The following LRRC37A2 variants were observed in gnomAD, a reference collection of about 807,000 sequenced individuals.
The protein encoded by LRRC37A2 is leucine-rich repeat-containing protein 37A2.
A neutral mutation model predicts 68.8 loss-of-function variants in LRRC37A2; 9 were observed. The ratio of observed to expected loss-of-function variants is 0.13; its 90% CI spans 0.08 to 0.23. The LOEUF (loss-of-function observed/expected upper bound fraction) is 0.23, where lower values mean the gene tolerates loss of function less well. Ranked by LOEUF, LRRC37A2 falls within the 10% of genes least tolerant of loss-of-function variation. LRRC37A2 has a pLI of 1.00. For missense variants in LRRC37A2, 168 were observed against 950.4 expected, an observed-to-expected ratio of 0.18 and a Z score of 10.82; for synonymous variants, 63 against 367.6, an observed-to-expected ratio of 0.17 and a Z score of 9.48.
chr17:46,990,002 G>A, the LRRC37A2 span, among the ~76,000 whole-genome samples: 7 of 152,198 alleles, frequency 4.6e-5, no homozygotes, highest in African/African-American at 1.4e-4. Context: ...CCGTTTTGGG[G>A]TTGTTACACC....
At chr17:46,717,567 C>G in the LRRC37A2 span, among the ~76,000 whole-genome samples, 1 of 152,040 alleles carries the variant, frequency 6.6e-6, no homozygotes, top group Non-Finnish European at 1.5e-5. Flanking sequence ...AAAAATTAGC[C>G]AGGCATGATG....
chr17:46,759,802 C>T, the LRRC37A2 span, among the ~76,000 whole-genome samples: 1 of 152,086 alleles, frequency 6.6e-6, no homozygotes, highest in East Asian at 1.9e-4. Context: ...CACATGCTTT[C>T]CTTCCCTTCT....
the LRRC37A2 span, among the ~76,000 whole-genome samples, chr17:46,499,416 A>G: frequency 2.7e-5 from 4 of 150,556 alleles, no homozygotes; most frequent in Non-Finnish European, 5.9e-5. Context: ...AGAAGTCTGA[A>G]AACGCAGGAG....
At chr17:46,761,961 G>A in the LRRC37A2 span, among the ~76,000 whole-genome samples, 1 of 152,228 alleles carries the variant, frequency 6.6e-6, no homozygotes, top group Non-Finnish European at 1.5e-5. Flanking sequence ...AATGACAATT[G>A]TTCCAGACAG....
chr17:46,923,661 A>T, the LRRC37A2 span: 273 of 1,034,308 alleles, frequency 2.6e-4, no homozygotes, highest in African/African-American at 4.1e-3. Flanking sequence ...TTGTATTCTT[A>T]TTCGATTTAT....
At chr17:47,019,798 C>T in the LRRC37A2 span, 1 of 1,209,976 alleles carries the variant, frequency 8.3e-7, no homozygotes, top group South Asian at 1.2e-5. Context: ...CCTTCACCAT[C>T]TTGTAAGAAT....
At chr17:46,835,891 G>A in the LRRC37A2 span, among the ~76,000 whole-genome samples, 8 of 152,230 alleles carry the variant, frequency 5.3e-5, no homozygotes, top group Non-Finnish European at 1.0e-4. Context: ...AAGAAGAGTG[G>A]AGACAGGAGA....
chr17:46,958,117 G>C, the LRRC37A2 span, among the ~76,000 whole-genome samples: 1 of 152,166 alleles, frequency 6.6e-6, no homozygotes, highest in African/African-American at 2.4e-5. Flanking sequence ...ATTTGTGCAG[G>C]ACTTTCTTTC....
chr17:46,718,662 C>T, the LRRC37A2 span, among the ~76,000 whole-genome samples: 1 of 152,072 alleles, frequency 6.6e-6, no homozygotes, highest in Non-Finnish European at 1.5e-5. Context: ...CTCAGCTCTC[C>T]ACACTGACCG....
chr17:46,818,694 A>C, the LRRC37A2 span: 1 of 1,229,620 alleles, frequency 8.1e-7, no homozygotes, highest in Non-Finnish European at 1.2e-6. Context: ...ATTGGAAATG[A>C]CTTTCGGGCT....
the LRRC37A2 span, among the ~76,000 whole-genome samples, chr17:46,815,169 C>T: frequency 5.3e-5 from 8 of 152,140 alleles, no homozygotes; most frequent in African/African-American, 1.7e-4. Context: ...TTCATCCCCC[C>T]ACCCCAGCGC....
At chr17:46,931,272 G>A in the LRRC37A2 span, 2 of 837,586 alleles carry the variant, frequency 2.4e-6, no homozygotes, top group Non-Finnish European at 4.2e-6. Context: ...TTTCTCCCTG[G>A]GGGAGGTGAT....
chr17:46,635,838 T>C, the LRRC37A2 span, among the ~76,000 whole-genome samples: 2 of 133,828 alleles, frequency 1.5e-5, no homozygotes, highest in Non-Finnish European at 1.7e-5. Flanking sequence ...TGAAGCCTTA[T>C]TGAAGAGTAG....
the LRRC37A2 span, chr17:46,949,265 CTG>C: frequency 6.6e-6 from 1 of 152,262 alleles, no homozygotes; most frequent in Non-Finnish European, 1.5e-5. Context: ...GAGCCCTGGA[CTG>C]GGGCTATCCT....
chr17:46,813,656 C>A, the LRRC37A2 span, among the ~76,000 whole-genome samples: 1 of 152,040 alleles, frequency 6.6e-6, no homozygotes, highest in African/African-American at 2.4e-5. Context: ...TTTCCCACTT[C>A]CTTTTCCCTG....
At chr17:46,820,823 C>T in the LRRC37A2 span, among the ~76,000 whole-genome samples, 1 of 152,112 alleles carries the variant, frequency 6.6e-6, no homozygotes, top group Non-Finnish European at 1.5e-5. Context: ...CCCAAGGGCT[C>T]GGGAGTTCCA....
At chr17:46,730,119 A>C in the LRRC37A2 span, among the ~76,000 whole-genome samples, 4 of 152,128 alleles carry the variant, frequency 2.6e-5, no homozygotes, top group Non-Finnish European at 5.9e-5. Context: ...ATCTACATAT[A>C]TCATGATTCC....
the LRRC37A2 span, among the ~76,000 whole-genome samples, chr17:46,869,125 C>T: frequency 1.3e-5 from 2 of 152,210 alleles, no homozygotes; most frequent in Non-Finnish European, 2.9e-5. Flanking sequence ...CAGCCCTGGG[C>T]AGACCAGGGC....
At chr17:46,935,098 G>C in the LRRC37A2 span, 1 of 1,613,150 alleles carries the variant, frequency 6.2e-7, no homozygotes, top group African/African-American at 1.3e-5. Flanking sequence ...AGTTCACAAC[G>C]GCATGGATGA....
Sources: allele counts gnomAD v4.1 joint callset (sites outside exome capture counted in the v4.1 genomes callset), GRCh38; gene constraint gnomAD v4.1.1; transcripts MANE v1.5; gene names NCBI Gene and HGNC (gene_info 2026-07-23, HGNC 2026-07-21).